FAT3: variants seen among roughly 807,000 people sequenced by gnomAD.
FAT3 encodes protocadherin Fat 3.
In FAT3, 95 loss-of-function variants were observed where a neutral mutation model predicts 310.2. The observed-to-expected ratio is 0.31, with a 90% confidence interval of 0.26 to 0.36. The LOEUF (loss-of-function observed/expected upper bound fraction) is 0.36, where lower values mean the gene tolerates loss of function less well. Ranked by LOEUF, FAT3 falls within the 10% of genes least tolerant of loss-of-function variation. The pLI is 1.00. For missense variants in FAT3, 5,408 were observed against 5,715.6 expected (o/e 0.95, Z 1.74); for synonymous variants, 2,314 against 2,192.9 (o/e 1.06, Z -1.54).
chr11:92,309,476 G>A (rs1038462501), intron 1 of FAT3, among the ~76,000 whole-genome samples: 1 of 151,836 alleles, frequency 6.6e-6, no homozygotes, highest in Non-Finnish European at 1.5e-5. Flanking sequence ...AAGTAGGATC[G>A]TTCAAACTTA....
intron 4 of FAT3, among the ~76,000 whole-genome samples, chr11:92,726,358 C>G (rs1944998249): frequency 6.6e-6 from 1 of 152,036 alleles, no homozygotes; most frequent in Non-Finnish European, 1.5e-5. Context: ...TCAACAGTTG[C>G]AATTTCAAGT....
chr11:92,621,270 A>C (rs1840716630), intron 3 of FAT3, among the ~76,000 whole-genome samples: 2 of 152,226 alleles, frequency 1.3e-5, no homozygotes, highest in African/African-American at 4.8e-5. Context: ...ATGAATCAAG[A>C]GTATCCAAAC....
intron 4 of FAT3, among the ~76,000 whole-genome samples, chr11:92,736,422 T>A (rs1201063473): frequency 1.3e-5 from 2 of 152,142 alleles, no homozygotes; most frequent in African/African-American, 4.8e-5. Context: ...TGAAGATGAT[T>A]CCCATTGATT....
At chr11:92,508,534 C>T (rs78677862) in intron 2 of FAT3, among the ~76,000 whole-genome samples, 1,631 of 152,060 alleles carry the variant, frequency 0.011, 29 homozygotes, top group African/African-American at 0.037. Context: ...AAAGTTTCAG[C>T]GTAAAAGGAG....
At chr11:92,749,167 C>T (rs921051212) in intron 4 of FAT3, 12 of 152,160 alleles carry the variant, frequency 7.9e-5, no homozygotes, top group African/African-American at 2.9e-4. Context: ...AAAAGTGGAG[C>T]GTAAACATTA....
At position 92,355,018 on chromosome 11, in the gene FAT3, GT is replaced by G. The variant is rs1565252711; in HGVS notation, c.2907del (p.Gln970LysfsTer16). 6.2e-7 allele frequency: 1 copy of G among 1,613,828 alleles called. No individual in the cohort carries two copies. Among genetic ancestry groups the G allele is most frequent in the Admixed American group, 1.7e-5 (1 of 59,936 alleles). ...CATGATCCAGATCTTGGACTGGGGGGTCAAGTGCGCTATTCTTTGGTCAATG... is the reference window on the plus strand; with the variant it reads ...CATGATCCAGATCTTGGACTGGGGGGCAAGTGCGCTATTCTTTGGTCAATG... ...ETHDPDLGLG[G>X]QVRYSLVNDY... On this transcript the variant is annotated frameshift_variant, in exon 2 of 28. Transcript: ENST00000525166. LOFTEE classifies it high-confidence loss of function.
chr11:92,750,975 G>C (rs903686555), intron 4 of FAT3, among the ~76,000 whole-genome samples: 2 of 152,224 alleles, frequency 1.3e-5, no homozygotes, highest in Non-Finnish European at 2.9e-5. Context: ...GGAATGAACA[G>C]TGAATTGTTC....
chr11:92,886,970 T>C (rs1172525124), intron 24 of FAT3, 30 bp from the exon 25 acceptor site: 3 of 1,550,666 alleles, frequency 1.9e-6, no homozygotes, highest in Admixed American at 3.8e-5. Context: ...ACCAGTGTAA[T>C]TTCTGCTTTC....
chr11:92,263,800 T>C (rs1865663536), intron 1 of FAT3, among the ~76,000 whole-genome samples: 1 of 152,070 alleles, frequency 6.6e-6, no homozygotes, highest in Non-Finnish European at 1.5e-5. Context: ...ATTTTCTCCC[T>C]CCCTTTTTTC....
intron 19 of FAT3, 28 bp downstream of exon 19, chr11:92,844,760 C>A: frequency 6.8e-7 from 1 of 1,479,850 alleles, no homozygotes; most frequent in Non-Finnish European, 9.0e-7. Flanking sequence ...TGTTCCCTCT[C>A]AACTCCTGAG....
chr11:92,812,074 A>G (rs2136216388), intron 13 of FAT3, among the ~76,000 whole-genome samples: 1 of 152,316 alleles, frequency 6.6e-6, no homozygotes, highest in Middle Eastern at 3.4e-3. Context: ...GAATGCTGAC[A>G]TTCTTCAGAA....
intron 2 of FAT3, among the ~76,000 whole-genome samples, chr11:92,495,734 T>C (rs1952733928): frequency 6.6e-6 from 1 of 152,066 alleles, no homozygotes; most frequent in Non-Finnish European, 1.5e-5. Flanking sequence ...CCAACTCCAG[T>C]GATTTCTGAG....
chr11:92,650,397 A>C (rs1942332214), intron 3 of FAT3, among the ~76,000 whole-genome samples: 1 of 152,018 alleles, frequency 6.6e-6, no homozygotes, highest in Non-Finnish European at 1.5e-5. Context: ...TTCTGTTTGC[A>C]CTCATTAATA....
At chr11:92,654,044 A>G (rs144442369) in intron 3 of FAT3, among the ~76,000 whole-genome samples, 12 of 152,308 alleles carry the variant, frequency 7.9e-5, no homozygotes, top group African/African-American at 2.4e-4. Flanking sequence ...TTTCTGTAGC[A>G]TATTTTCAAA....
At chr11:92,849,389 A>G (rs1948761422) in intron 19 of FAT3, among the ~76,000 whole-genome samples, 1 of 152,140 alleles carries the variant, frequency 6.6e-6, no homozygotes, top group African/African-American at 2.4e-5. Context: ...CAGCACTGAG[A>G]TGATCTTCTG....
chr11:92,433,615 C>G (rs973204842), intron 2 of FAT3, among the ~76,000 whole-genome samples: 1 of 152,136 alleles, frequency 6.6e-6, no homozygotes, highest in Non-Finnish European at 1.5e-5. Context: ...GTTGGAAATG[C>G]AGAAATCACC....
intron 1 of FAT3, among the ~76,000 whole-genome samples, chr11:92,334,346 G>A (rs898626912): frequency 2.6e-5 from 4 of 152,150 alleles, no homozygotes; most frequent in African/African-American, 9.7e-5. Flanking sequence ...CTGCACTCCA[G>A]CCTGGATGAA....
intron 7 of FAT3, among the ~76,000 whole-genome samples, chr11:92,774,762 G>A (rs968288667): frequency 1.3e-5 from 2 of 152,088 alleles, no homozygotes; most frequent in East Asian, 1.9e-4. Context: ...AAAAGCACCC[G>A]TGGCTGGACC....
chr11:92,556,358 C>CA (rs1204139761), intron 3 of FAT3, among the ~76,000 whole-genome samples: 1 of 152,166 alleles, frequency 6.6e-6, no homozygotes, highest in Non-Finnish European at 1.5e-5. Flanking sequence ...TCCTTGCCCT[C>CA]ACCATTTGTC....
Sources: gnomAD v4.1 joint callset for allele counts (sites outside exome capture counted in the v4.1 genomes callset) on GRCh38, gnomAD v4.1.1 for gene constraint, MANE v1.5 for transcripts, NCBI Gene and HGNC (gene_info 2026-07-23, HGNC 2026-07-21) for gene names.